Variants in SLC14A2 observed in about 807,000 individuals in gnomAD.
SLC14A2 encodes urea transporter 2.
SLC14A2 carries 91 observed loss-of-function variants against 104.6 expected under a neutral mutation model. The ratio of observed to expected loss-of-function variants is 0.87; its 90% CI spans 0.73 to 1.04. The LOEUF is 1.04. Ranked by LOEUF, SLC14A2 falls within the 50% of genes least tolerant of loss-of-function variation. The probability of loss-of-function intolerance (pLI) is 0.00; values close to 1 mark genes in which losing one functional copy is unlikely to be tolerated. For missense variants in SLC14A2, 1,189 were observed against 1,156.0 expected, an observed-to-expected ratio of 1.03 and a Z score of -0.41; for synonymous variants, 476 against 466.4, an observed-to-expected ratio of 1.02 and a Z score of -0.27.
intron 1 of SLC14A2, among the ~76,000 whole-genome samples, chr18:45,246,053 C>T (rs1438493882): frequency 6.6e-6 from 1 of 152,018 alleles, no homozygotes; most frequent in Admixed American, 6.6e-5. Flanking sequence ...ACCCACAATT[C>T]CCAGTGTGAT....
chr18:45,490,080 A>G (rs766776097), intron 2 of SLC14A2: 1 of 152,224 alleles, frequency 6.6e-6, no homozygotes. Flanking sequence ...GGAGAGAAGT[A>G]TGTGTCGAAT....
At chr18:45,244,967 G>C (rs1036897150) in intron 1 of SLC14A2, among the ~76,000 whole-genome samples, 1 of 152,194 alleles carries the variant, frequency 6.6e-6, no homozygotes, top group African/African-American at 2.4e-5. Flanking sequence ...GCCTAAGAAT[G>C]TAAGTGGAAG....
chr18:45,544,707 T>G (rs2043942823), intron 2 of SLC14A2, among the ~76,000 whole-genome samples: 1 of 151,770 alleles, frequency 6.6e-6, no homozygotes, highest in Admixed American at 6.6e-5. Flanking sequence ...GATATTATGA[T>G]TTTTACTAGT....
intron 5 of SLC14A2, among the ~76,000 whole-genome samples, chr18:45,634,273 G>T (rs942170815): frequency 6.6e-6 from 1 of 152,188 alleles, no homozygotes; most frequent in African/African-American, 2.4e-5. Context: ...TTGAGTGAAA[G>T]GTTGACCCTA....
At chr18:45,214,923 A>G (rs2143975435) in intron 1 of SLC14A2, among the ~76,000 whole-genome samples, 1 of 151,178 alleles carries the variant, frequency 6.6e-6, no homozygotes, top group African/African-American at 2.4e-5. Context: ...TTAAAAAAAA[A>G]AAAAAAAAAA....
upstream of SLC14A2, among the ~76,000 whole-genome samples, chr18:45,614,052 A>G (rs1364079223): frequency 6.6e-6 from 1 of 152,218 alleles, no homozygotes; most frequent in Non-Finnish European, 1.5e-5. Flanking sequence ...CTAGGAGGAA[A>G]AACAATGGGC....
upstream of SLC14A2, chr18:45,614,729 T>G (rs2045031084): frequency 6.6e-6 from 1 of 152,106 alleles, no homozygotes; most frequent in African/African-American, 2.4e-5. Flanking sequence ...TTTCTCCCAT[T>G]TGAAATGGGA....
intron 1 of SLC14A2, among the ~76,000 whole-genome samples, chr18:45,290,961 C>G (rs2084863833): frequency 6.6e-6 from 1 of 152,130 alleles, no homozygotes; most frequent in Admixed American, 6.5e-5. Flanking sequence ...AATATGTCCT[C>G]CAAGATTCAT....
intron 1 of SLC14A2, among the ~76,000 whole-genome samples, chr18:45,317,215 A>C (rs540383787): frequency 6.6e-6 from 1 of 152,348 alleles, no homozygotes; most frequent in Non-Finnish European, 1.5e-5. Context: ...TTTGTTCAGG[A>C]AACTTAGAGT....
intron 1 of SLC14A2, among the ~76,000 whole-genome samples, chr18:45,312,849 C>T (rs376255767): frequency 3.3e-5 from 5 of 152,172 alleles, no homozygotes; most frequent in South Asian, 4.1e-4. Context: ...TCCCCAGCTT[C>T]GCATCCCAGA....
At chr18:45,613,313 C>T (rs1960304116), upstream of SLC14A2, among the ~76,000 whole-genome samples, 1 of 152,112 alleles carries the variant, frequency 6.6e-6, no homozygotes, top group Non-Finnish European at 1.5e-5. Context: ...TGAGCCACTG[C>T]GCCTGGCCAG....
At chr18:45,564,815 G>A (rs2044245115) in intron 2 of SLC14A2, among the ~76,000 whole-genome samples, 2 of 152,164 alleles carry the variant, frequency 1.3e-5, no homozygotes, top group African/African-American at 4.8e-5. Context: ...TTCTCGGGGA[G>A]AGATCTTTGC....
upstream of SLC14A2, among the ~76,000 whole-genome samples, chr18:45,614,191 G>A (rs553613734): frequency 6.6e-4 from 101 of 152,342 alleles, no homozygotes; most frequent in Admixed American, 5.2e-4. Flanking sequence ...AACCCATGGC[G>A]GCTTCCATGT....
At chr18:45,419,106 A>G (rs1356737601) in intron 1 of SLC14A2, among the ~76,000 whole-genome samples, 2 of 152,262 alleles carry the variant, frequency 1.3e-5, no homozygotes, top group African/African-American at 2.4e-5. Context: ...ACCAGTGCTC[A>G]CTAAGCTATG....
chr18:45,335,208 C>A (rs926999547), intron 1 of SLC14A2, among the ~76,000 whole-genome samples: 1 of 152,160 alleles, frequency 6.6e-6, no homozygotes, highest in Admixed American at 6.5e-5. Flanking sequence ...CAAGCAGCCT[C>A]TGATCAGCTT....
At chr18:45,349,267 T>G (rs79849167) in intron 1 of SLC14A2, among the ~76,000 whole-genome samples, 1 of 152,126 alleles carries the variant, frequency 6.6e-6, no homozygotes, top group South Asian at 2.1e-4. Flanking sequence ...ATAGGAGAAA[T>G]GTTACATAAT....
At chr18:45,553,049 G>C (rs760547831) in intron 2 of SLC14A2, among the ~76,000 whole-genome samples, 26 of 152,016 alleles carry the variant, frequency 1.7e-4, no homozygotes, top group Admixed American at 1.0e-3. Flanking sequence ...TGGTGACCTG[G>C]GCCATCAGAT....
chr18:45,176,010 A>C, the SLC14A2 span, among the ~76,000 whole-genome samples: 1 of 152,170 alleles, frequency 6.6e-6, no homozygotes, highest in Non-Finnish European at 1.5e-5. Flanking sequence ...AATTCATGTG[A>C]AGAAACGGAA....
chr18:45,345,851 T>C (rs1013572989), intron 1 of SLC14A2, among the ~76,000 whole-genome samples: 14 of 152,224 alleles, frequency 9.2e-5, no homozygotes, highest in African/African-American at 3.1e-4. Flanking sequence ...TGCATGAATA[T>C]AGAAAATGTG....
Sources: allele counts gnomAD v4.1 joint callset (sites outside exome capture counted in the v4.1 genomes callset), GRCh38; gene constraint gnomAD v4.1.1; transcripts MANE v1.5; gene names NCBI Gene and HGNC (gene_info 2026-07-23, HGNC 2026-07-21).